The following TANC2 variants were observed in gnomAD, a reference collection of about 807,000 sequenced individuals.
TANC2 encodes the protein tetratricopeptide repeat, ankyrin repeat and coiled-coil containing 2.
TANC2 carries 26 observed loss-of-function variants against 210.5 expected under a neutral mutation model. The observed-to-expected ratio is 0.12, with a 90% CI of 0.09 to 0.17. The LOEUF (loss-of-function observed/expected upper bound fraction) is 0.17, where lower values mean the gene tolerates loss of function less well. Ranked by LOEUF, TANC2 falls within the 10% of genes least tolerant of loss-of-function variation. TANC2 has a pLI of 1.00. For synonymous variants in TANC2, 931 were observed against 967.1 expected (o/e 0.96, Z 0.69); for missense variants, 2,129 against 2,608.9 (o/e 0.82, Z 4.01).
At chr17:63,312,437 A>G (rs1049223083) in intron 9 of TANC2, among the ~76,000 whole-genome samples, 3 of 152,208 alleles carry the variant, frequency 2.0e-5, no homozygotes, top group African/African-American at 7.2e-5. Context: ...GCTAAAGGTC[A>G]TTATCCTAAG....
chr17:63,103,213 T>C (rs1427297739), intron 4 of TANC2, among the ~76,000 whole-genome samples: 1 of 152,188 alleles, frequency 6.6e-6, no homozygotes, highest in Non-Finnish European at 1.5e-5. Flanking sequence ...AGTATCCTTT[T>C]CCTATCATTG....
intron 7 of TANC2, among the ~76,000 whole-genome samples, chr17:63,220,664 A>G (rs1253097226): frequency 1.4e-5 from 2 of 147,010 alleles, no homozygotes; most frequent in Non-Finnish European, 3.0e-5. Context: ...AGATCGCGCC[A>G]CTGCACTCCA....
At chr17:63,286,457 A>G (rs2044223726) in intron 9 of TANC2, among the ~76,000 whole-genome samples, 3 of 152,096 alleles carry the variant, frequency 2.0e-5, no homozygotes, top group Admixed American at 1.3e-4. Context: ...CACTTGCATT[A>G]TTTGTGACAG....
chr17:63,315,208 A>G (rs1006763989), intron 10 of TANC2, among the ~76,000 whole-genome samples: 6 of 152,216 alleles, frequency 3.9e-5, no homozygotes, highest in African/African-American at 1.4e-4. Flanking sequence ...CAGCCCAGTA[A>G]TCACTACCAG....
At chr17:63,281,314 CAG>C (rs1329525399) in intron 9 of TANC2, among the ~76,000 whole-genome samples, 4 of 152,008 alleles carry the variant, frequency 2.6e-5, no homozygotes, top group East Asian at 3.9e-4. Context: ...CCAAAGCTGG[CAG>C]AATACTGGAA....
At chr17:63,356,699 T>C (rs1362164384) in intron 14 of TANC2, among the ~76,000 whole-genome samples, 1 of 152,240 alleles carries the variant, frequency 6.6e-6, no homozygotes, top group African/African-American at 2.4e-5. Context: ...TCAAATTACC[T>C]GCATATAAAT....
intron 4 of TANC2, among the ~76,000 whole-genome samples, chr17:63,120,198 A>G (rs1403006940): frequency 6.6e-6 from 1 of 151,896 alleles, no homozygotes; most frequent in Non-Finnish European, 1.5e-5. Context: ...ATCTTATTAT[A>G]TATTCCTTAA....
chr17:63,336,024 G>C (rs1188043381), intron 11 of TANC2, among the ~76,000 whole-genome samples: 1 of 152,118 alleles, frequency 6.6e-6, no homozygotes, highest in African/African-American at 2.4e-5. Context: ...ACTCTAGCCT[G>C]GGATCTATTC....
chr17:63,001,879 T>C lies in TANC2; in HGVS notation c.-23-7658T>C, dbSNP rs112303353. ...AGATTTCTTTATAAGGGATTTGATA[T>C]GGACAATGGTATACAAACAAAAATA... On this transcript the variant is annotated intron_variant, in intron 1 of 27. Transcript: ENST00000689528. Among the ~76,000 whole-genome samples, 482 of 152,162 alleles carry C rather than the reference T, an allele frequency of 3.2e-3. 3 individuals are homozygous for C. Among genetic ancestry groups the C allele is most frequent in the Non-Finnish European group, 4.8e-3 (324 of 67,978 alleles).
At chr17:63,181,086 AG>A (rs1421227082) in intron 5 of TANC2, among the ~76,000 whole-genome samples, 1 of 150,996 alleles carries the variant, frequency 6.6e-6, no homozygotes, top group East Asian at 1.9e-4. Context: ...GCTCCGAATT[AG>A]AGGGACGTGT....
chr17:63,313,337 G>T (rs544447211), intron 9 of TANC2: 2 of 152,136 alleles, frequency 1.3e-5, no homozygotes, highest in African/African-American at 4.8e-5. Flanking sequence ...AAAGTGATAC[G>T]TCTTAGAGCT....
At chr17:63,121,626 T>A (rs1163315374) in intron 4 of TANC2, among the ~76,000 whole-genome samples, 4 of 152,130 alleles carry the variant, frequency 2.6e-5, no homozygotes, top group Admixed American at 6.5e-5. Context: ...TGTATTTTTA[T>A]TTTATAATAA....
At chr17:63,393,187 T>G (rs2048035424) in intron 17 of TANC2, among the ~76,000 whole-genome samples, 2 of 152,240 alleles carry the variant, frequency 1.3e-5, no homozygotes, top group South Asian at 4.1e-4. Flanking sequence ...TAGAATGTTT[T>G]TCAATTTTAG....
At chr17:62,977,287 T>C (rs1383259673) in intron 1 of TANC2, among the ~76,000 whole-genome samples, 3 of 152,214 alleles carry the variant, frequency 2.0e-5, no homozygotes, top group Non-Finnish European at 4.4e-5. Flanking sequence ...AATCTTTTTC[T>C]TTAAATGAAC....
chr17:63,367,166 G>C (rs1473147364), intron 14 of TANC2, among the ~76,000 whole-genome samples: 1 of 152,182 alleles, frequency 6.6e-6, no homozygotes, highest in Non-Finnish European at 1.5e-5. Context: ...CACTTGCTTG[G>C]TTTTATTCAT....
intron 1 of TANC2, among the ~76,000 whole-genome samples, chr17:62,988,628 A>G (rs1158528009): frequency 1.3e-5 from 2 of 152,228 alleles, no homozygotes; most frequent in Non-Finnish European, 2.9e-5. Context: ...AGGCATGGTA[A>G]CAGTTGCTTT....
At chr17:63,221,838 G>A (rs1321402618) in intron 7 of TANC2, among the ~76,000 whole-genome samples, 1 of 152,122 alleles carries the variant, frequency 6.6e-6, no homozygotes, top group African/African-American at 2.4e-5. Context: ...AACTCCTTAG[G>A]CATTCTTTTA....
At chr17:63,114,287 A>G (rs1285650329) in intron 4 of TANC2, among the ~76,000 whole-genome samples, 3 of 152,190 alleles carry the variant, frequency 2.0e-5, no homozygotes, top group African/African-American at 4.8e-5. Flanking sequence ...AATCCATTAC[A>G]TATCATTCAC....
intron 1 of TANC2, among the ~76,000 whole-genome samples, chr17:62,970,229 T>C (rs146230679): frequency 6.6e-6 from 1 of 152,220 alleles, no homozygotes; most frequent in South Asian, 2.1e-4. Flanking sequence ...GATATGGGAA[T>C]TCAATATAAT....
Sources: gnomAD v4.1 joint callset for allele counts (sites outside exome capture counted in the v4.1 genomes callset) on GRCh38, gnomAD v4.1.1 for gene constraint, MANE v1.5 for transcripts, NCBI Gene and HGNC (gene_info 2026-07-23, HGNC 2026-07-21) for gene names.